The following ATP9B variants were observed in gnomAD, a reference collection of about 807,000 sequenced individuals.
ATP9B encodes the protein probable phospholipid-transporting ATPase IIB.
In ATP9B, 110 loss-of-function variants were observed where a neutral mutation model predicts 146.1. That is an observed-to-expected ratio of 0.75 (90% CI 0.65 to 0.88). ATP9B has a LOEUF of 0.88. ATP9B is among the 40% of genes least tolerant of loss of function. The pLI is 0.00. For synonymous variants in ATP9B, 604 were observed against 569.7 expected, an observed-to-expected ratio of 1.06 and a Z score of -0.86; for missense variants, 1,499 against 1,496.4, an observed-to-expected ratio of 1.00 and a Z score of -0.03.
intron 1 of ATP9B, among the ~76,000 whole-genome samples, chr18:79,092,499 A>G (rs2074411426): frequency 6.6e-6 from 1 of 152,154 alleles, no homozygotes; most frequent in African/African-American, 2.4e-5. Context: ...TAATTTTTTT[A>G]ATTTTTAAAA....
intron 26 of ATP9B, among the ~76,000 whole-genome samples, chr18:79,367,581 A>G (rs1295032206): frequency 6.6e-6 from 1 of 152,270 alleles, no homozygotes; most frequent in East Asian, 1.9e-4. Context: ...CGCCTCCTCA[A>G]CCAGAGGATT....
chr18:79,148,839 A>C (rs1195429701), intron 6 of ATP9B, among the ~76,000 whole-genome samples: 1 of 152,210 alleles, frequency 6.6e-6, no homozygotes, highest in East Asian at 1.9e-4. Context: ...ATCTATAGAA[A>C]ATCTCCTGGA....
intron 5 of ATP9B, among the ~76,000 whole-genome samples, chr18:79,133,017 G>C (rs750326530): frequency 6.6e-6 from 1 of 152,080 alleles, no homozygotes; most frequent in Non-Finnish European, 1.5e-5. Flanking sequence ...GTATGTTGCT[G>C]TTACTTTACT....
chr18:79,133,959 T>TA (rs1188548155), intron 5 of ATP9B, among the ~76,000 whole-genome samples: 2 of 152,252 alleles, frequency 1.3e-5, no homozygotes, highest in African/African-American at 4.8e-5. Context: ...TCACTGCTGA[T>TA]ACTGCTCCAT....
At chr18:79,323,757 C>T (rs1399956335) in intron 15 of ATP9B, among the ~76,000 whole-genome samples, 2 of 152,202 alleles carry the variant, frequency 1.3e-5, no homozygotes, top group East Asian at 3.8e-4. Flanking sequence ...AACAGTGCCG[C>T]AGTACACGTA....
intron 13 of ATP9B, among the ~76,000 whole-genome samples, chr18:79,285,185 G>A (rs2096424102): frequency 6.6e-6 from 1 of 151,482 alleles, no homozygotes; most frequent in African/African-American, 2.4e-5. Flanking sequence ...AGATCCCTGA[G>A]GAATCACCAC....
chr18:79,124,417 C>G (rs1322787378), intron 4 of ATP9B, among the ~76,000 whole-genome samples: 1 of 152,254 alleles, frequency 6.6e-6, no homozygotes, highest in East Asian at 1.9e-4. Context: ...TTACTCTGCT[C>G]ATCAGCTGGT....
intron 15 of ATP9B, among the ~76,000 whole-genome samples, chr18:79,326,516 G>C (rs528521426): frequency 6.6e-6 from 1 of 150,512 alleles, no homozygotes; most frequent in South Asian, 2.1e-4. Context: ...CCCTCACATG[G>C]TGTTAGTGTG....
intron 9 of ATP9B, among the ~76,000 whole-genome samples, chr18:79,200,998 G>C (rs141129941): frequency 6.6e-6 from 1 of 152,192 alleles, no homozygotes; most frequent in Non-Finnish European, 1.5e-5. Context: ...AACGGGAATG[G>C]CTTCACCCCA....
chr18:79,120,298 A>T (rs1474311553), intron 4 of ATP9B, among the ~76,000 whole-genome samples: 3 of 152,232 alleles, frequency 2.0e-5, no homozygotes, highest in Admixed American at 6.5e-5. Context: ...CCTCTGAGGC[A>T]TAAAACCATT....
At chr18:79,290,458 G>A (rs2096491383) in intron 13 of ATP9B, among the ~76,000 whole-genome samples, 1 of 152,166 alleles carries the variant, frequency 6.6e-6, no homozygotes, top group Admixed American at 6.6e-5. Context: ...CCTTTTTTAA[G>A]CCCGTCAGAA....
intron 25 of ATP9B, among the ~76,000 whole-genome samples, chr18:79,354,959 C>T (rs62097666): frequency 0.23 from 34,839 of 152,188 alleles, 4,698 homozygotes; most frequent in East Asian, 0.52. Context: ...GCCCACCTCC[C>T]CCTCCCCAAA....
intron 11 of ATP9B, among the ~76,000 whole-genome samples, chr18:79,215,632 C>A (rs913645828): frequency 6.6e-6 from 1 of 152,012 alleles, no homozygotes; most frequent in African/African-American, 2.4e-5. Flanking sequence ...GAATCACATA[C>A]GTATTTATAT....
intron 1 of ATP9B, chr18:79,086,168 A>C (rs898796354): frequency 6.6e-6 from 1 of 152,178 alleles, no homozygotes; most frequent in Non-Finnish European, 1.5e-5. Flanking sequence ...GGCTGCGTGC[A>C]GTGGCTCACG....
intron 2 of ATP9B, among the ~76,000 whole-genome samples, chr18:79,109,783 C>T (rs1351567880): frequency 1.3e-5 from 2 of 152,100 alleles, no homozygotes; most frequent in African/African-American, 2.4e-5. Flanking sequence ...CCAGGCTGGT[C>T]TTGAACTCCT....
chr18:79,103,121 GA>G lies in ATP9B; in HGVS notation c.293+6474del, dbSNP rs761620854. The stretch of plus-strand genomic sequence containing the variant: ...GTGCCTTGCCTTGTGGAGCTGGCTG[GA>G]ACGTACAGCATTGTGCAGTAGCGAG... On this transcript the variant is annotated intron_variant, in intron 2 of 29. Transcript: ENST00000426216. 2.0e-5 allele frequency among the ~76,000 whole-genome samples: 3 copies of G among 152,320 alleles called. No individual in the cohort carries two copies. In the South Asian group the frequency reaches 6.2e-4, roughly 32 times the overall value.
intron 5 of ATP9B, among the ~76,000 whole-genome samples, chr18:79,141,005 A>G (rs2094507194): frequency 6.6e-6 from 1 of 152,222 alleles, no homozygotes; most frequent in Admixed American, 6.5e-5. Context: ...TAGAGAGTGG[A>G]AAGTACTGTT....
At chr18:79,247,315 G>A (rs2095977613) in intron 11 of ATP9B, among the ~76,000 whole-genome samples, 4 of 152,188 alleles carry the variant, frequency 2.6e-5, no homozygotes, top group Admixed American at 2.6e-4. Flanking sequence ...ATGTGTATAT[G>A]TGTATACATG....
At chr18:79,190,403 A>G (rs1384740121) in intron 8 of ATP9B, among the ~76,000 whole-genome samples, 21 of 152,258 alleles carry the variant, frequency 1.4e-4, no homozygotes, top group South Asian at 2.1e-4. Context: ...AAATTCATGT[A>G]TAAGTGGACC....
Sources: allele counts gnomAD v4.1 joint callset (sites outside exome capture counted in the v4.1 genomes callset), GRCh38; gene constraint gnomAD v4.1.1; transcripts MANE v1.5; gene names NCBI Gene and HGNC (gene_info 2026-07-23, HGNC 2026-07-21).